HAPSTR1: variants seen among roughly 807,000 people sequenced by gnomAD.
The protein encoded by HAPSTR1 is HUWE1-associated protein modifying stress responses 1.
the HAPSTR1 span, chr16:9,103,141 A>C: frequency 6.2e-7 from 1 of 1,614,080 alleles, no homozygotes; most frequent in Non-Finnish European, 8.5e-7. Flanking sequence ...CTCCACCACG[A>C]AACTCTAGAG....
chr16:9,117,580 G>A, the HAPSTR1 span: 52 of 152,792 alleles, frequency 3.4e-4, no homozygotes, highest in Non-Finnish European at 4.4e-5. Context: ...GTGCTCTAAA[G>A]TAGCAGTATT....
At chr16:9,091,687 G>C in the HAPSTR1 span, 12 of 399,214 alleles carry the variant, frequency 3.0e-5, no homozygotes, top group Non-Finnish European at 5.3e-5. Context: ...CGAGCTGCGC[G>C]GAGGGCTCGG....
the HAPSTR1 span, chr16:9,109,781 AG>A: frequency 6.6e-6 from 1 of 151,750 alleles, no homozygotes; most frequent in African/African-American, 2.4e-5. Flanking sequence ...CAAAACATAA[AG>A]GAAAAAAAAC....
the HAPSTR1 span, among the ~76,000 whole-genome samples, chr16:9,115,042 G>T: frequency 6.6e-6 from 1 of 152,164 alleles, no homozygotes; most frequent in East Asian, 1.9e-4. Context: ...GGATTGGTTG[G>T]ATCAGTGCAG....
chr16:9,115,184 A>G, the HAPSTR1 span, among the ~76,000 whole-genome samples: 1 of 152,194 alleles, frequency 6.6e-6, no homozygotes, highest in Non-Finnish European at 1.5e-5. Flanking sequence ...TATTTGATGG[A>G]GGGGAACGCC....
chr16:9,096,374 G>A, the HAPSTR1 span, among the ~76,000 whole-genome samples: 1 of 150,002 alleles, frequency 6.7e-6, no homozygotes, highest in South Asian at 2.1e-4. Context: ...AATAAACTCT[G>A]GTGTGTATTT....
the HAPSTR1 span, chr16:9,092,173 G>A: frequency 6.3e-7 from 1 of 1,575,740 alleles, no homozygotes; most frequent in Non-Finnish European, 8.6e-7. Context: ...CCGAGCTGCA[G>A]GAGGAGGCGG....
the HAPSTR1 span, chr16:9,092,800 AC>A: frequency 9.3e-7 from 1 of 1,073,492 alleles, no homozygotes; most frequent in South Asian, 1.6e-5. Context: ...AAATGGCGAA[AC>A]CTAATATGGC....
the HAPSTR1 span, among the ~76,000 whole-genome samples, chr16:9,093,883 C>G: frequency 2.0e-5 from 3 of 150,886 alleles, no homozygotes; most frequent in East Asian, 3.9e-4. Flanking sequence ...AAGGATTTGA[C>G]TTTGTTAATC....
the HAPSTR1 span, among the ~76,000 whole-genome samples, chr16:9,115,861 C>G: frequency 2.6e-5 from 4 of 152,050 alleles, no homozygotes; most frequent in African/African-American, 9.7e-5. Context: ...GAGATCTGCC[C>G]GGCCTCCCAA....
chr16:9,116,207 C>A, the HAPSTR1 span, among the ~76,000 whole-genome samples: 1 of 152,162 alleles, frequency 6.6e-6, no homozygotes, highest in African/African-American at 2.4e-5. Flanking sequence ...TTGGAACAAG[C>A]CCACCTAGGC....
chr16:9,092,252 G>T, the HAPSTR1 span: 2 of 1,570,444 alleles, frequency 1.3e-6, no homozygotes, highest in Non-Finnish European at 1.7e-6. Flanking sequence ...GGCCACCGCC[G>T]TGGCCCAGCT....
At chr16:9,117,963 C>G in the HAPSTR1 span, 1 of 152,618 alleles carries the variant, frequency 6.6e-6, no homozygotes, top group African/African-American at 2.4e-5. Flanking sequence ...CCTCCAATCC[C>G]TCTCCTAAAA....
the HAPSTR1 span, chr16:9,116,622 G>T: frequency 6.3e-7 from 1 of 1,592,736 alleles, no homozygotes; most frequent in Non-Finnish European, 8.6e-7. Context: ...GCTTTCAAAA[G>T]GGTTACATAA....
chr16:9,100,707 G>C, the HAPSTR1 span, among the ~76,000 whole-genome samples: 2 of 151,948 alleles, frequency 1.3e-5, no homozygotes, highest in Non-Finnish European at 2.9e-5. Context: ...GCTAATTTTT[G>C]TATTTTTAGT....
At chr16:9,111,551 G>T in the HAPSTR1 span, 2 of 152,168 alleles carry the variant, frequency 1.3e-5, no homozygotes, top group East Asian at 1.9e-4. Context: ...GTGGAGGTCG[G>T]ACATAAAGCT....
chr16:9,112,949 T>A, the HAPSTR1 span: 3 of 152,216 alleles, frequency 2.0e-5, no homozygotes, highest in East Asian at 5.8e-4. Context: ...ATAGCCCTTT[T>A]GAAAAAGTAT....
the HAPSTR1 span, chr16:9,104,057 A>G: frequency 6.6e-6 from 1 of 152,084 alleles, no homozygotes; most frequent in African/African-American, 2.4e-5. Context: ...TGATGGAAAG[A>G]TGGATCACGC....
chr16:9,092,835 A>T, the HAPSTR1 span: 3 of 1,363,068 alleles, frequency 2.2e-6, no homozygotes, highest in Non-Finnish European at 3.0e-6. Context: ...TTGACGCGCA[A>T]ATAACATTCT....
Sources: allele counts gnomAD v4.1 joint callset (sites outside exome capture counted in the v4.1 genomes callset), GRCh38; gene constraint gnomAD v4.1.1; transcripts MANE v1.5; gene names NCBI Gene and HGNC (gene_info 2026-07-23, HGNC 2026-07-21).